The following METAP1D variants were observed in gnomAD, a reference collection of about 807,000 sequenced individuals.
METAP1D encodes methionine aminopeptidase 1D, mitochondrial.
METAP1D carries 31 observed loss-of-function variants against 40.5 expected under a neutral mutation model. That is an observed-to-expected ratio of 0.77 (90% CI 0.58 to 1.03). The LOEUF is 1.03. METAP1D is among the 50% of genes least tolerant of loss of function. METAP1D has a pLI of 0.00. For synonymous variants in METAP1D, 151 were observed against 146.4 expected, an observed-to-expected ratio of 1.03 and a Z score of -0.22; for missense variants, 411 against 420.7, an observed-to-expected ratio of 0.98 and a Z score of 0.20.
At chr2:172,027,920 G>T (rs1446558893) in intron 1 of METAP1D, among the ~76,000 whole-genome samples, 1 of 152,160 alleles carries the variant, frequency 6.6e-6, no homozygotes, top group Non-Finnish European at 1.5e-5. Flanking sequence ...GATTTCACCA[G>T]ACTGAAGAGA....
At chr2:172,037,008 C>A (rs1689409180) in intron 1 of METAP1D, among the ~76,000 whole-genome samples, 1 of 152,092 alleles carries the variant, frequency 6.6e-6, no homozygotes, top group South Asian at 2.1e-4. Context: ...GCCTGTAATT[C>A]CAGCACTTTG....
At chr2:172,042,304 T>C (rs766858699) in intron 1 of METAP1D, among the ~76,000 whole-genome samples, 420 of 3,310 alleles carry the variant, frequency 0.13, 131 homozygotes, top group East Asian at 0.4. Flanking sequence ...CATGTGTACA[T>C]ATATACATAT....
intron 1 of METAP1D, among the ~76,000 whole-genome samples, chr2:172,005,150 T>C (rs921501881): frequency 5.9e-5 from 9 of 152,088 alleles, no homozygotes; most frequent in Non-Finnish European, 1.3e-4. Flanking sequence ...TTTCTTTCTT[T>C]CTTATTTATT....
chr2:172,050,443 T>TTA (rs1559012001), intron 1 of METAP1D, among the ~76,000 whole-genome samples: 2 of 151,930 alleles, frequency 1.3e-5, no homozygotes, highest in African/African-American at 2.4e-5. Context: ...AGTTTTTTTT[T>TTA]AAAAAACTCA....
intron 1 of METAP1D, among the ~76,000 whole-genome samples, chr2:172,057,967 C>A (rs1690038940): frequency 6.8e-6 from 1 of 146,352 alleles, no homozygotes; most frequent in Admixed American, 6.8e-5. Context: ...GGATCTTACT[C>A]TGTTGCCCAG....
chr2:172,023,477 G>A (rs774451579), intron 1 of METAP1D, among the ~76,000 whole-genome samples: 4 of 152,178 alleles, frequency 2.6e-5, no homozygotes, highest in Non-Finnish European at 5.9e-5. Context: ...TACTGGGTGA[G>A]GGCAAAGATT....
In METAP1D at chr2:172,064,677, G is replaced by A. The variant is rs181501497; in HGVS notation, c.348+817G>A. 8.5e-4 allele frequency among the ~76,000 whole-genome samples: 129 copies of A among 151,188 alleles called. 1 individual carries two copies. The highest frequency in any genetic ancestry group is 5.9e-5 in the Non-Finnish European group (4 of 67,780). On this transcript the variant is annotated intron_variant, in intron 3 of 9. Transcript: ENST00000315796. ...TTTAGTTCTTTCATAATAATCTGAA[G>A]CACCCTTCTGTATAAGGATTATAAA...
chr2:172,069,064 G>A (rs376204208), intron 5 of METAP1D, among the ~76,000 whole-genome samples: 17 of 151,832 alleles, frequency 1.1e-4, no homozygotes, highest in Admixed American at 5.9e-4. Flanking sequence ...AACTACAGGC[G>A]TGTGCCACCA....
chr2:172,034,405 TTGTGTGTGTG>T (rs377629727), intron 1 of METAP1D, among the ~76,000 whole-genome samples: 8 of 142,150 alleles, frequency 5.6e-5, no homozygotes, highest in Non-Finnish European at 1.1e-4. Flanking sequence ...GTCTCAGTTT[TTGTGTGTGTG>T]TGTGTGTGTG....
chr2:172,000,256 T>C lies in METAP1D; in HGVS notation c.40+247T>C, dbSNP rs188242710. Among the ~76,000 whole-genome samples the C allele has an allele frequency of 4.4e-3, 665 of 152,344 alleles. 2 individuals carry two copies. The highest frequency in any genetic ancestry group is 7.7e-3 in the Non-Finnish European group (526 of 68,026). ...CGTGGCATCTTTTCGCAATTACTCC[T>C]TGAGATTTGCGGGCCATTGTCTGAA... On this transcript the variant is annotated intron_variant, in intron 1 of 9. Transcript: ENST00000315796.
At chr2:172,015,232 C>T (rs1024442116) in intron 1 of METAP1D, among the ~76,000 whole-genome samples, 3 of 151,984 alleles carry the variant, frequency 2.0e-5, no homozygotes, top group African/African-American at 7.3e-5. Context: ...CCAAAAATGG[C>T]GAAACCTCGT....
intron 1 of METAP1D, among the ~76,000 whole-genome samples, chr2:172,024,423 A>G (rs1227460320): frequency 6.6e-6 from 1 of 152,116 alleles, no homozygotes; most frequent in African/African-American, 2.4e-5. Context: ...ATTACCAAGC[A>G]TGGAGGCCCA....
chr2:172,073,856 C>T (rs1045655578), intron 6 of METAP1D, among the ~76,000 whole-genome samples: 3 of 152,208 alleles, frequency 2.0e-5, no homozygotes, highest in South Asian at 2.1e-4. Context: ...TTTTGCGTAG[C>T]CTCTCTCTAC....
At chr2:172,024,748 T>TTGTGTGTGTGTGTGTGTATG (rs1689084775) in intron 1 of METAP1D, among the ~76,000 whole-genome samples, 1 of 66,570 alleles carries the variant, frequency 1.5e-5, no homozygotes, top group African/African-American at 4.0e-5. Context: ...GACATATAGA[T>TTGTGTGTGTGTGTGTGTATG]TGTGTGTGTG....
intron 1 of METAP1D, among the ~76,000 whole-genome samples, chr2:172,042,335 G>A (rs1208112215): frequency 5.0e-5 from 1 of 19,922 alleles, no homozygotes; most frequent in African/African-American, 1.8e-4. Flanking sequence ...ATGTGTACAT[G>A]TGTACATATA....
intron 1 of METAP1D, among the ~76,000 whole-genome samples, chr2:172,008,585 G>T (rs1485063137): frequency 6.6e-6 from 1 of 151,978 alleles, no homozygotes; most frequent in African/African-American, 2.4e-5. Context: ...ACATTTCTGT[G>T]GTAAGGTTTA....
chr2:172,082,216 T>C lies in METAP1D; in HGVS notation c.*1810T>C, dbSNP rs1397117064. On this transcript the variant is annotated 3_prime_UTR_variant, in exon 10 of 10. Coordinates refer to ENST00000315796, the MANE Select transcript of METAP1D (RefSeq NM_199227.3). ...TGGGAGATGTTTGCTGGAGAATGAC[T>C]TCAGTTTTCTCCTAAGGCAATCAGA... The C allele has an allele frequency of 6.6e-6, 1 of 150,792 alleles. No homozygotes were observed. Among genetic ancestry groups the C allele is most frequent in the African/African-American group, 2.4e-5 (1 of 40,950 alleles). The allele number at this position is 150,792 out of a possible 1,614,324, so 9.3% of individuals were successfully genotyped here.
intron 1 of METAP1D, among the ~76,000 whole-genome samples, chr2:172,028,145 G>A (rs1167113017): frequency 6.6e-6 from 1 of 150,414 alleles, no homozygotes; most frequent in South Asian, 2.1e-4. Flanking sequence ...AAGCTAAGAG[G>A]GTGCCAGTAA....
chr2:172,068,490 T>TA (rs1251606344), intron 5 of METAP1D, among the ~76,000 whole-genome samples: 3 of 152,064 alleles, frequency 2.0e-5, no homozygotes, highest in Admixed American at 6.6e-5. Flanking sequence ...AAGTATTGTA[T>TA]TTCTGTATAT....
Sources: gnomAD v4.1 joint callset for allele counts (sites outside exome capture counted in the v4.1 genomes callset) on GRCh38, gnomAD v4.1.1 for gene constraint, MANE v1.5 for transcripts, NCBI Gene and HGNC (gene_info 2026-07-23, HGNC 2026-07-21) for gene names.